The following STAT4 variants were observed in gnomAD, a reference collection of about 807,000 sequenced individuals.
STAT4 encodes signal transducer and activator of transcription 4.
A neutral mutation model predicts 110.5 loss-of-function variants in STAT4; 42 were observed. The observed-to-expected ratio is 0.38, with a 90% confidence interval of 0.30 to 0.49. The LOEUF (loss-of-function observed/expected upper bound fraction) is 0.49, where lower values mean the gene tolerates loss of function less well. Ranked by LOEUF, STAT4 falls within the 20% of genes least tolerant of loss-of-function variation. The pLI, the probability that STAT4 is intolerant of heterozygous loss-of-function variation, is 0.95. For synonymous variants in STAT4, 284 were observed against 302.2 expected (o/e 0.94, Z 0.63); for missense variants, 632 against 887.9 (o/e 0.71, Z 3.66).
rs781083768 is a variant in STAT4, at chr2:191,031,432, G to A, written c.2111+18C>T. ...AGCTTTTTATAAAAATATTTCACATGTGACTAACATTACTCACATTGTTGA... is the reference window on the plus strand; with the variant it reads ...AGCTTTTTATAAAAATATTTCACATATGACTAACATTACTCACATTGTTGA... On this transcript the variant is annotated intron_variant, in intron 22 of 23. Transcript: ENST00000392320. This position sits in a 1 kb window ranked among gnomAD's most constrained non-coding sequence, Gnocchi z 4.8. 5 of 1,605,736 alleles carry A rather than the reference G, an allele frequency of 3.1e-6. No individual in the cohort carries two copies. The highest frequency in any genetic ancestry group is 4.3e-6 in the Non-Finnish European group (5 of 1,176,358).
In STAT4 at chr2:191,031,425, T is replaced by A. The variant is rs560969655; in HGVS notation, c.2111+25A>T. On this transcript the variant is annotated intron_variant, in intron 22 of 23. Transcript: ENST00000392320. This position sits in a 1 kb window ranked among gnomAD's most constrained non-coding sequence, Gnocchi z 4.8. ...ATAGGAAAGCTTTTTATAAAAATAT[T>A]TCACATGTGACTAACATTACTCACA... 6.2e-7 allele frequency: 1 copy of A among 1,603,130 alleles called. No individual in the cohort carries two copies. Among genetic ancestry groups the A allele is most frequent in the African/African-American group, 1.3e-5 (1 of 74,392 alleles).
At chr2:191,055,137 A>T (rs1045280868) in intron 13 of STAT4, among the ~76,000 whole-genome samples, 1 of 152,148 alleles carries the variant, frequency 6.6e-6, no homozygotes, top group Admixed American at 6.5e-5. Flanking sequence ...AATTATAAAA[A>T]TGAAGAAGTT....
rs1027834490 is a variant in STAT4, at chr2:191,082,877, C to T, written c.274-6552G>A. Among the ~76,000 whole-genome samples, 2 of 152,118 alleles carry T rather than the reference C, an allele frequency of 1.3e-5. No homozygotes were observed. The highest frequency in any genetic ancestry group is 2.9e-5 in the Non-Finnish European group (2 of 68,018). On this transcript the variant is annotated intron_variant, in intron 3 of 23. Coordinates refer to ENST00000392320, the MANE Select transcript of STAT4 (RefSeq NM_003151.4). This position sits in a 1 kb window ranked among gnomAD's most constrained non-coding sequence, Gnocchi z 4.7. Reference sequence around the variant, plus strand: ...GAATTCACTCCTCTGAGTTCTTTTCCCAGTGGCCCTCTTAAAAATGTAAAC... The same window carrying T: ...GAATTCACTCCTCTGAGTTCTTTTCTCAGTGGCCCTCTTAAAAATGTAAAC...
At chr2:191,054,633 T>A in intron 13 of STAT4, 99 bp from the exon 14 acceptor site, 1 of 1,021,674 alleles carries the variant, frequency 9.8e-7, no homozygotes, top group Non-Finnish European at 1.5e-6. Context: ...GCCACAGTTT[T>A]GACTTCTAGA....
In STAT4 at chr2:191,086,478, T is replaced by TCAATG. The variant is rs1169045388; in HGVS notation, c.274-10158_274-10154dup. Among the ~76,000 whole-genome samples, 1 of 152,198 alleles carries TCAATG rather than the reference T, an allele frequency of 6.6e-6. No individual in the cohort carries two copies. The highest frequency in any genetic ancestry group is 2.4e-5 in the African/African-American group (1 of 41,450). Reference sequence around the variant, plus strand: ...GAGCCTGTATAGCAAATAATTACTTTCAATGCATTTTATACAAATAATCAG... The same window carrying TCAATG: ...GAGCCTGTATAGCAAATAATTACTTTCAATGCAATGCATTTTATACAAATAATCAG... On this transcript the variant is annotated intron_variant, in intron 3 of 23. Transcript: ENST00000392320. The surrounding 1 kb of genome is among the most constrained non-coding windows in gnomAD (Gnocchi z 5.5).
intron 14 of STAT4, among the ~76,000 whole-genome samples, chr2:191,049,890 G>T (rs1696472288): frequency 6.6e-6 from 1 of 152,208 alleles, no homozygotes; most frequent in Admixed American, 6.5e-5. Flanking sequence ...CCTCAAAAAA[G>T]TGTTGCAACT....
chr2:191,038,261 C>G (rs1696097737), intron 16 of STAT4, among the ~76,000 whole-genome samples: 1 of 152,146 alleles, frequency 6.6e-6, no homozygotes, highest in African/African-American at 2.4e-5. Flanking sequence ...TTGGGGCACC[C>G]TGCACAGTCT....
rs367923839 is a variant in STAT4, at chr2:191,093,804, G to C, written c.274-17479C>G. Among the ~76,000 whole-genome samples, 484 of 152,274 alleles carry C rather than the reference G, an allele frequency of 3.2e-3. 1 individual carries two copies. The highest frequency in any genetic ancestry group is 0.011 in the African/African-American group (468 of 41,566). On this transcript the variant is annotated intron_variant, in intron 3 of 23. Coordinates refer to ENST00000392320, the MANE Select transcript of STAT4 (RefSeq NM_003151.4). ...TAACAAACTTCTCCGAGCTAAAGGAGGATGTTCGAACCCATCGTGAGGAAG... is the reference window on the plus strand; with the variant it reads ...TAACAAACTTCTCCGAGCTAAAGGACGATGTTCGAACCCATCGTGAGGAAG...
intron 16 of STAT4, among the ~76,000 whole-genome samples, chr2:191,038,885 CCTTCAGCTTAG>C (rs1411455514): frequency 6.6e-6 from 1 of 152,190 alleles, no homozygotes; most frequent in Non-Finnish European, 1.5e-5. Flanking sequence ...TAAGAAGTTT[CCTTCAGCTTAG>C]TTAACAGAGT....
Position 191,148,161 on chromosome 2 carries a change from A to G in STAT4, c.43T>C (p.Leu15=). The G allele has an allele frequency of 6.2e-7, 1 of 1,613,966 alleles. No individual in the cohort carries two copies. Among genetic ancestry groups the G allele is most frequent in the Middle Eastern group, 1.7e-4 (1 of 6,060 alleles). The change falls in exon 2 of 24, where the codon TTG becomes CTG. Residue 15 remains leucine (L), a synonymous_variant. Coordinates refer to ENST00000392320, the MANE Select transcript of STAT4 (RefSeq NM_003151.4). The part of the protein sequence containing the change: ...NQVQQLEIKF[L]EQVDQFYDDN... Reference sequence around the variant, plus strand: ...TCATAGAATTGATCCACCTGCTCCAAAAACTTGATTTCTAACTGTTGGACT... The same window carrying G: ...TCATAGAATTGATCCACCTGCTCCAGAAACTTGATTTCTAACTGTTGGACT...
At chr2:191,120,075 G>A (rs756454621) in intron 3 of STAT4, among the ~76,000 whole-genome samples, 15 of 152,138 alleles carry the variant, frequency 9.9e-5, no homozygotes, top group Non-Finnish European at 1.6e-4. Flanking sequence ...AAATGTAAAA[G>A]ACTAAAACAC....
chr2:191,082,724 A>C lies in STAT4; in HGVS notation c.274-6399T>G, dbSNP rs1041909805. Among the ~76,000 whole-genome samples the C allele has an allele frequency of 6.6e-6, 1 of 152,176 alleles. No individual in the cohort carries two copies. Among genetic ancestry groups the C allele is most frequent in the Non-Finnish European group, 1.5e-5 (1 of 68,028 alleles). On this transcript the variant is annotated intron_variant, in intron 3 of 23. Transcript: ENST00000392320. The surrounding 1 kb of genome is among the most constrained non-coding windows in gnomAD (Gnocchi z 4.7). ...TTTGACTTGTCATTAAAGAGTAACT[A>C]GTTCATCTGCTCTTTTTCTTCCAAA...
At chr2:191,126,552 C>A (rs1028921079) in intron 3 of STAT4, among the ~76,000 whole-genome samples, 3 of 152,220 alleles carry the variant, frequency 2.0e-5, no homozygotes, top group Non-Finnish European at 4.4e-5. Context: ...TATCTCCCCA[C>A]CCACTTCCTC....
intron 14 of STAT4, among the ~76,000 whole-genome samples, chr2:191,049,303 T>C (rs926548847): frequency 1.3e-4 from 19 of 151,316 alleles, no homozygotes; most frequent in African/African-American, 4.6e-4. Context: ...GCCTCCTGAG[T>C]AGCTGGGACT....
In STAT4 at chr2:191,110,291, G is replaced by C. The variant is rs1698390256; in HGVS notation, c.274-33966C>G. Among the ~76,000 whole-genome samples, 1 of 152,134 alleles carries C rather than the reference G, an allele frequency of 6.6e-6. No homozygotes were observed. The highest frequency in any genetic ancestry group is 2.4e-5 in the African/African-American group (1 of 41,428). On this transcript the variant is annotated intron_variant, in intron 3 of 23. Coordinates refer to ENST00000392320, the MANE Select transcript of STAT4 (RefSeq NM_003151.4). This position sits in a 1 kb window ranked among gnomAD's most constrained non-coding sequence, Gnocchi z 4.5. Reference sequence around the variant, plus strand: ...AGCTATGTGTCTGGCTCTGTGATCGGTGTTGGGAGGCATATGAAAGTTCCC... The same window carrying C: ...AGCTATGTGTCTGGCTCTGTGATCGCTGTTGGGAGGCATATGAAAGTTCCC...
chr2:191,094,386 A>T (rs1269461396), intron 3 of STAT4, among the ~76,000 whole-genome samples: 1 of 152,248 alleles, frequency 6.6e-6, no homozygotes, highest in Non-Finnish European at 1.5e-5. Context: ...CTAACAGCGT[A>T]TCTCTCAGCA....
At position 191,104,014 on chromosome 2, in the gene STAT4, T is replaced by C. The variant is rs552648720; in HGVS notation, c.274-27689A>G. Among the ~76,000 whole-genome samples, 6 of 152,294 alleles carry C rather than the reference T, an allele frequency of 3.9e-5. No homozygotes were observed. In the East Asian group the frequency reaches 9.6e-4, roughly 24 times the overall value. ...AACCAAGGTTTGAGACTATGAGTAA[T>C]AGGTTGCTAAGTGTTCTAGGTATCA... On this transcript the variant is annotated intron_variant, in intron 3 of 23. Coordinates refer to ENST00000392320, the MANE Select transcript of STAT4 (RefSeq NM_003151.4). The surrounding 1 kb of genome is among the most constrained non-coding windows in gnomAD (Gnocchi z 4.3).
chr2:191,098,726 G>T (rs1396808062), intron 3 of STAT4, among the ~76,000 whole-genome samples: 2 of 152,274 alleles, frequency 1.3e-5, no homozygotes, highest in South Asian at 4.1e-4. Flanking sequence ...CCTGCACGTT[G>T]TGCACATGTA....
At position 191,037,948 on chromosome 2, in the gene STAT4, G is replaced by GT. The variant is rs1696086850; in HGVS notation, c.1434+1250dup. ...TTCTGTAACTAGGCTGTGAATCTGT[G>GT]TTTTAGGAGCTGTATATTATCTATA... On this transcript the variant is annotated intron_variant, in intron 16 of 23. Transcript: ENST00000392320. This position sits in a 1 kb window ranked among gnomAD's most constrained non-coding sequence, Gnocchi z 4.8. Among the ~76,000 whole-genome samples, 1 of 152,192 alleles carries GT rather than the reference G, an allele frequency of 6.6e-6. No homozygotes were observed. Among genetic ancestry groups the GT allele is most frequent in the Admixed American group, 6.5e-5 (1 of 15,274 alleles).
Sources: allele counts gnomAD v4.1 joint callset (sites outside exome capture counted in the v4.1 genomes callset), GRCh38; gene constraint gnomAD v4.1.1; non-coding constraint Gnocchi (gnomAD v3.1); transcripts MANE v1.5; gene names NCBI Gene and HGNC (gene_info 2026-07-23, HGNC 2026-07-21).